Variants in MAP2K5 observed in about 807,000 individuals in gnomAD.
The protein encoded by MAP2K5 is mitogen-activated protein kinase kinase 5, also known as dual specificity mitogen-activated protein kinase kinase 5.
Under a neutral mutation model 83.1 loss-of-function variants are expected in MAP2K5, and 49 were observed. That is an observed-to-expected ratio of 0.59 (90% confidence interval 0.47 to 0.75). The LOEUF (loss-of-function observed/expected upper bound fraction) is 0.75, where lower values mean the gene tolerates loss of function less well. Among genes scored for constraint, MAP2K5 ranks in the 30% least tolerant of loss-of-function variants. The probability of loss-of-function intolerance (pLI) is 0.00; values close to 1 mark genes in which losing one functional copy is unlikely to be tolerated. For missense variants in MAP2K5, 457 were observed against 557.5 expected, an observed-to-expected ratio of 0.82 and a Z score of 1.82; for synonymous variants, 202 against 191.8, an observed-to-expected ratio of 1.05 and a Z score of -0.44.
In MAP2K5 at chr15:67,665,368, T is replaced by G. The variant is rs2087350596; in HGVS notation, c.847+723T>G. Among the ~76,000 whole-genome samples, 3 of 152,192 alleles carry G rather than the reference T, an allele frequency of 2.0e-5. No individual in the cohort carries two copies. The South Asian group carries it at 6.2e-4, about 32-fold the overall frequency. The stretch of plus-strand genomic sequence containing the variant: ...AAATTATTAAGTGAGAAAGAGACTA[T>G]AACAAAGCAACTTCAAGGCCTAGTG... On this transcript the variant is annotated intron_variant, in intron 13 of 21. Coordinates refer to ENST00000178640, the MANE Select transcript of MAP2K5 (RefSeq NM_145160.3). This position sits in a 1 kb window ranked among gnomAD's most constrained non-coding sequence, Gnocchi z 4.2.
chr15:67,772,436 AATTC>A (rs2090160119), intron 20 of MAP2K5, among the ~76,000 whole-genome samples: 1 of 151,978 alleles, frequency 6.6e-6, no homozygotes. Context: ...ATTTAATTTA[AATTC>A]ATTCTTTATT....
chr15:67,549,098 G>C, intron 1 of MAP2K5: 2 of 1,533,518 alleles, frequency 1.3e-6, no homozygotes, highest in South Asian at 1.2e-5. Context: ...CCTGGTGCCA[G>C]TTCTGCTGCA....
intron 8 of MAP2K5, among the ~76,000 whole-genome samples, chr15:67,608,249 G>A (rs1339758139): frequency 6.6e-6 from 1 of 152,164 alleles, no homozygotes; most frequent in Non-Finnish European, 1.5e-5. Context: ...ATTCCTGTAT[G>A]TAGTTCTGGG....
intron 9 of MAP2K5, among the ~76,000 whole-genome samples, chr15:67,633,383 T>A (rs1482802935): frequency 6.6e-6 from 1 of 152,252 alleles, no homozygotes; most frequent in African/African-American, 2.4e-5. Context: ...CGTCTAGAAA[T>A]CTATGATTAT....
intron 9 of MAP2K5, among the ~76,000 whole-genome samples, chr15:67,641,877 A>G (rs2086719007): frequency 6.6e-6 from 1 of 152,194 alleles, no homozygotes; most frequent in African/African-American, 2.4e-5. Flanking sequence ...GCAGTTTTAA[A>G]GCTCACTCAC....
At chr15:67,685,837 G>A (rs2087938364) in intron 13 of MAP2K5, among the ~76,000 whole-genome samples, 1 of 152,196 alleles carries the variant, frequency 6.6e-6, no homozygotes, top group Admixed American at 6.5e-5. Context: ...GCCTTCGCCT[G>A]TTTTTACAAA....
In MAP2K5 at chr15:67,692,687, G is replaced by A. The variant is rs1387033666; in HGVS notation, c.921+135G>A. The stretch of plus-strand genomic sequence containing the variant: ...CTGCATCTTTTCCTCATCTGGGAGT[G>A]TGTTATTCATTTTTAATCTCTGAGC... On this transcript the variant is annotated intron_variant, in intron 14 of 21. Transcript: ENST00000178640. 3 of 625,132 alleles carry A rather than the reference G, an allele frequency of 4.8e-6. No individual in the cohort carries two copies. The East Asian group carries it at 8.4e-5, about 18-fold the overall frequency. 38.7% of individuals were successfully genotyped at this position (625,132 alleles called of 1,614,324 possible).
chr15:67,655,863 G>A (rs1438204860), intron 11 of MAP2K5, among the ~76,000 whole-genome samples: 1 of 151,940 alleles, frequency 6.6e-6, no homozygotes, highest in Non-Finnish European at 1.5e-5. Flanking sequence ...TCCGTATGCT[G>A]GATGGTATTT....
At position 67,722,836 on chromosome 15, in the gene MAP2K5, A is replaced by G. The variant is rs978524411; in HGVS notation, c.1045-5080A>G. Among the ~76,000 whole-genome samples, 22 of 152,246 alleles carry G rather than the reference A, an allele frequency of 1.4e-4. No homozygotes were observed. Among genetic ancestry groups the G allele is most frequent in the South Asian group, 6.2e-4 (3 of 4,830 alleles). On this transcript the variant is annotated intron_variant, in intron 16 of 21. Coordinates refer to ENST00000178640, the MANE Select transcript of MAP2K5 (RefSeq NM_145160.3). This position sits in a 1 kb window ranked among gnomAD's most constrained non-coding sequence, Gnocchi z 4.2. ...TTAGATGGAAATTTAATTGTGTAAA[A>G]TGTACACAAGGTAATTAAGAACAAA...
chr15:67,556,293 T>G (rs752309287), intron 2 of MAP2K5, among the ~76,000 whole-genome samples: 6 of 152,166 alleles, frequency 3.9e-5, no homozygotes, highest in Non-Finnish European at 8.8e-5. Context: ...CGTGGAGAAG[T>G]TTAAAATTTT....
chr15:67,682,847 A>G (rs536219309), intron 13 of MAP2K5, among the ~76,000 whole-genome samples: 2 of 151,038 alleles, frequency 1.3e-5, no homozygotes, highest in East Asian at 4.0e-4. Context: ...AATAAAAAAA[A>G]AAGAGTTGTA....
At chr15:67,628,670 C>T in intron 8 of MAP2K5, 1 of 940,244 alleles carries the variant, frequency 1.1e-6, no homozygotes. Context: ...CAGAAATAAC[C>T]ATACTGTGAA....
chr15:67,741,237 G>A (rs2089485182), intron 17 of MAP2K5, among the ~76,000 whole-genome samples: 1 of 152,108 alleles, frequency 6.6e-6, no homozygotes. Flanking sequence ...AATCATGCCT[G>A]GGTTCTTCAG....
intron 6 of MAP2K5, 106 bp from the exon 7 acceptor site, chr15:67,592,820 G>T: frequency 4.0e-6 from 3 of 745,004 alleles, no homozygotes; most frequent in Non-Finnish European, 4.6e-6. Flanking sequence ...TGAAGAATAT[G>T]CTCAATCCCT....
chr15:67,570,517 T>C (rs1290523324), intron 3 of MAP2K5, among the ~76,000 whole-genome samples: 1 of 152,248 alleles, frequency 6.6e-6, no homozygotes, highest in East Asian at 1.9e-4. Context: ...AATGTAGCTA[T>C]TAATTTGATA....
intron 13 of MAP2K5, among the ~76,000 whole-genome samples, chr15:67,669,380 G>A (rs1178029544): frequency 6.6e-6 from 1 of 152,130 alleles, no homozygotes; most frequent in Non-Finnish European, 1.5e-5. Flanking sequence ...ATTAATCAAA[G>A]AAACCTCATA....
intron 12 of MAP2K5, among the ~76,000 whole-genome samples, chr15:67,660,283 TG>T (rs976648160): frequency 1.8e-4 from 19 of 103,962 alleles, no homozygotes; most frequent in African/African-American, 4.1e-4. Flanking sequence ...CAAAATGTAG[TG>T]TTTTTTTTGT....
intron 20 of MAP2K5, among the ~76,000 whole-genome samples, chr15:67,772,397 C>T (rs1030030464): frequency 6.6e-6 from 1 of 152,140 alleles, no homozygotes; most frequent in African/African-American, 2.4e-5. Flanking sequence ...GCTTTTTTCA[C>T]ATTCGCTTCA....
At chr15:67,664,688 G>C (rs878883826) in intron 13 of MAP2K5, 43 bp downstream of exon 13, 88 of 1,339,660 alleles carry the variant, frequency 6.6e-5, no homozygotes, top group Non-Finnish European at 8.5e-5. Context: ...TTGGGGTGGG[G>C]TTGGGTCTCT....
Sources: allele counts gnomAD v4.1 joint callset (sites outside exome capture counted in the v4.1 genomes callset), GRCh38; gene constraint gnomAD v4.1.1; non-coding constraint Gnocchi (gnomAD v3.1); transcripts MANE v1.5; gene names NCBI Gene and HGNC (gene_info 2026-07-23, HGNC 2026-07-21).